The following PTPRD variants were observed in gnomAD, a reference collection of about 807,000 sequenced individuals.
The protein encoded by PTPRD is receptor-type tyrosine-protein phosphatase delta.
In PTPRD, 34 loss-of-function variants were observed where a neutral mutation model predicts 214.5. The ratio of observed to expected loss-of-function variants is 0.16; its 90% confidence interval spans 0.12 to 0.21. The LOEUF is 0.21. PTPRD is among the 10% of genes least tolerant of loss of function. The pLI is 1.00. For missense variants in PTPRD, 2,545 were observed against 2,398.7 expected (o/e 1.06, Z -1.27); for synonymous variants, 1,128 against 845.7 (o/e 1.33, Z -5.79).
At chr9:9,058,618 T>G (rs1343420511) in intron 10 of PTPRD, among the ~76,000 whole-genome samples, 2 of 148,948 alleles carry the variant, frequency 1.3e-5, no homozygotes, top group Non-Finnish European at 3.0e-5. Flanking sequence ...CCCGGCTAAT[T>G]TTTTGTATTT....
chr9:9,790,398 G>A (rs982367612), intron 5 of PTPRD, among the ~76,000 whole-genome samples: 1 of 152,124 alleles, frequency 6.6e-6, no homozygotes, highest in African/African-American at 2.4e-5. Flanking sequence ...TTGCTTCCCT[G>A]CTTATTGTTT....
At chr9:8,561,679 G>T (rs978458884) in intron 14 of PTPRD, among the ~76,000 whole-genome samples, 3 of 151,906 alleles carry the variant, frequency 2.0e-5, no homozygotes, top group African/African-American at 7.3e-5. Context: ...CTGCGTCAGT[G>T]ATTCAGTGAT....
chr9:8,782,782 G>C (rs1328814616), intron 11 of PTPRD, among the ~76,000 whole-genome samples: 1 of 151,944 alleles, frequency 6.6e-6, no homozygotes, highest in Non-Finnish European at 1.5e-5. Flanking sequence ...TTTTAGTAGA[G>C]ACAGGGTTTC....
chr9:8,841,594 C>A (rs1316585607), intron 11 of PTPRD, among the ~76,000 whole-genome samples: 1 of 152,104 alleles, frequency 6.6e-6, no homozygotes, highest in Non-Finnish European at 1.5e-5. Flanking sequence ...CTGCTTAATA[C>A]ACAAATGTAT....
At chr9:10,336,943 G>A (rs191539127) in intron 3 of PTPRD, among the ~76,000 whole-genome samples, 4 of 151,648 alleles carry the variant, frequency 2.6e-5, no homozygotes, top group Admixed American at 1.3e-4. Flanking sequence ...AAATAGCCCA[G>A]GAAATTCTGA....
chr9:8,973,258 A>T (rs1201307653), intron 11 of PTPRD, among the ~76,000 whole-genome samples: 1 of 151,622 alleles, frequency 6.6e-6, no homozygotes, highest in African/African-American at 2.4e-5. Flanking sequence ...ATTTTTTTCC[A>T]TATTTATGTC....
At chr9:9,015,087 T>C (rs78925264) in intron 11 of PTPRD, among the ~76,000 whole-genome samples, 4,625 of 152,250 alleles carry the variant, frequency 0.03, 75 homozygotes, top group East Asian at 0.06. Flanking sequence ...GCCAGGTTTA[T>C]TTTAACTAAA....
intron 7 of PTPRD, among the ~76,000 whole-genome samples, chr9:9,636,094 T>A (rs1029456168): frequency 1.3e-5 from 2 of 152,182 alleles, no homozygotes; most frequent in Non-Finnish European, 2.9e-5. Context: ...AGGTTCTTCA[T>A]TTGCTCAATT....
At chr9:8,729,653 A>G (rs1203504406) in intron 12 of PTPRD, among the ~76,000 whole-genome samples, 1 of 152,216 alleles carries the variant, frequency 6.6e-6, no homozygotes, top group Non-Finnish European at 1.5e-5. Context: ...CCACATTTTA[A>G]AAATAGGAAA....
chr9:8,530,265 A>T (rs774407482), intron 14 of PTPRD, among the ~76,000 whole-genome samples: 7 of 151,952 alleles, frequency 4.6e-5, no homozygotes, highest in East Asian at 3.9e-4. Context: ...TCACTAGCAA[A>T]GTCCTTTTCA....
At chr9:10,338,167 G>A (rs2096876249) in intron 3 of PTPRD, among the ~76,000 whole-genome samples, 1 of 151,556 alleles carries the variant, frequency 6.6e-6, no homozygotes, top group Non-Finnish European at 1.5e-5. Flanking sequence ...TCAAAGTTAT[G>A]TTAGGAAACA....
chr9:10,001,899 T>A (rs938615473), intron 4 of PTPRD, among the ~76,000 whole-genome samples: 17 of 151,980 alleles, frequency 1.1e-4, no homozygotes. Flanking sequence ...ATATACAAGA[T>A]AATGTAAATA....
At chr9:10,005,354 A>T (rs980463544) in intron 4 of PTPRD, among the ~76,000 whole-genome samples, 1 of 152,126 alleles carries the variant, frequency 6.6e-6, no homozygotes, top group Non-Finnish European at 1.5e-5. Flanking sequence ...TAAGACCAAG[A>T]TTATCAAAAA....
chr9:8,530,132 G>A (rs554724834), intron 14 of PTPRD, among the ~76,000 whole-genome samples: 4 of 151,992 alleles, frequency 2.6e-5, no homozygotes, highest in African/African-American at 9.7e-5. Context: ...TCATACTGAG[G>A]TTATGTTAGA....
At chr9:10,013,018 A>G (rs531281578) in intron 4 of PTPRD, among the ~76,000 whole-genome samples, 1 of 151,986 alleles carries the variant, frequency 6.6e-6, no homozygotes. Context: ...TTAGAAAAGC[A>G]TATCCGCTAG....
chr9:9,284,422 GTTGT>G (rs1329753416), intron 9 of PTPRD, among the ~76,000 whole-genome samples: 1 of 151,602 alleles, frequency 6.6e-6, no homozygotes, highest in Non-Finnish European at 1.5e-5. Flanking sequence ...GAATGCCTTG[GTTGT>G]TTTATAGTCA....
rs1405794821 is a variant in PTPRD at position 9,026,956 on chromosome 9, A to G, written c.-142-8221T>C. Among the ~76,000 whole-genome samples the G allele has an allele frequency of 3.3e-5, 5 of 151,416 alleles. No homozygotes were observed. In the Admixed American group the frequency reaches 3.3e-4, roughly 10 times the overall value. On this transcript the variant is annotated intron_variant, in intron 10 of 45. Transcript: ENST00000381196. ...TCCCCAGCCAGAGCTTCATCTCTTA[A>G]ACTTACTTTTGTCTGTTTGAGCCTT...
At chr9:8,702,165 G>A (rs1256398282) in intron 12 of PTPRD, among the ~76,000 whole-genome samples, 1 of 151,694 alleles carries the variant, frequency 6.6e-6, no homozygotes, top group Non-Finnish European at 1.5e-5. Flanking sequence ...CGGTTGCTTG[G>A]ATTTTTCTGG....
At chr9:8,942,040 A>G (rs1296772196) in intron 11 of PTPRD, among the ~76,000 whole-genome samples, 3 of 152,134 alleles carry the variant, frequency 2.0e-5, no homozygotes, top group Non-Finnish European at 4.4e-5. Flanking sequence ...TCATGACCTC[A>G]GGTGATCCAT....
Sources: gnomAD v4.1 joint callset for allele counts (sites outside exome capture counted in the v4.1 genomes callset) on GRCh38, gnomAD v4.1.1 for gene constraint, MANE v1.5 for transcripts, NCBI Gene and HGNC (gene_info 2026-07-23, HGNC 2026-07-21) for gene names.